The following PITHD1 variants were observed in gnomAD, a reference collection of about 807,000 sequenced individuals.
PITHD1 encodes PITH domain containing 1.
Under a neutral mutation model 27.5 loss-of-function variants are expected in PITHD1, and 8 were observed. That is an observed-to-expected ratio of 0.29 (90% confidence interval 0.17 to 0.52). PITHD1 has a LOEUF of 0.52. Ranked by LOEUF, PITHD1 falls within the 20% of genes least tolerant of loss-of-function variation. The pLI is 0.96. For synonymous variants in PITHD1, 118 were observed against 106.8 expected, an observed-to-expected ratio of 1.10 and a Z score of -0.64; for missense variants, 233 against 283.9, an observed-to-expected ratio of 0.82 and a Z score of 1.29.
intron 1 of PITHD1, chr1:23,779,215 T>C: frequency 1.9e-6 from 1 of 518,118 alleles, no homozygotes; most frequent in Non-Finnish European, 3.4e-6. Flanking sequence ...CCCTGGAAAT[T>C]CATTCATGGG....
At chr1:23,781,016 CGTCTCT>C (rs2148399665) in intron 3 of PITHD1, among the ~76,000 whole-genome samples, 1 of 151,824 alleles carries the variant, frequency 6.6e-6, no homozygotes, top group East Asian at 1.9e-4. Flanking sequence ...GCTGAAACCC[CGTCTCT>C]ACTAAAAATA....
chr1:23,778,491 A>G lies in PITHD1; in HGVS notation c.-25A>G. 7.5e-7 allele frequency: 1 copy of G among 1,337,520 alleles called. No homozygotes were observed. Among genetic ancestry groups the G allele is most frequent in the South Asian group, 1.9e-5 (1 of 52,394 alleles). 82.9% of individuals were successfully genotyped at this position (1,337,520 alleles called of 1,614,324 possible). A position where few individuals can be genotyped will look rare whatever the true frequency, so the allele number is the denominator to read the frequency against. ...GAGCGAGCGCGGCGGTGGGGCCGAG[A>G]GGACGCGCAGGTGGCGGCGTTGCCA... On this transcript the variant is annotated 5_prime_UTR_variant, in exon 1 of 6. Coordinates refer to ENST00000246151, the MANE Select transcript of PITHD1 (RefSeq NM_020362.5).
chr1:23,781,413 A>G (rs1401348648), intron 3 of PITHD1, among the ~76,000 whole-genome samples: 2 of 151,490 alleles, frequency 1.3e-5, no homozygotes, highest in Non-Finnish European at 2.9e-5. Context: ...CAGTGAGCCA[A>G]GATTGCACCA....
chr1:23,786,834 T>A (rs112266351), intron 5 of PITHD1, among the ~76,000 whole-genome samples: 1 of 152,124 alleles, frequency 6.6e-6, no homozygotes, highest in Non-Finnish European at 1.5e-5. Context: ...TCAGGTGATC[T>A]GCCCATCTCA....
intron 3 of PITHD1, among the ~76,000 whole-genome samples, chr1:23,784,430 C>T (rs528796025): frequency 1.5e-4 from 23 of 151,690 alleles, no homozygotes; most frequent in African/African-American, 4.3e-4. Flanking sequence ...TTAGTAGAGA[C>T]GGGGTTTCAC....
At chr1:23,781,219 T>G (rs1022049024) in intron 3 of PITHD1, among the ~76,000 whole-genome samples, 2 of 151,790 alleles carry the variant, frequency 1.3e-5, no homozygotes, top group Non-Finnish European at 2.9e-5. Context: ...TCCCAGCACT[T>G]TGGGAGGCCG....
rs572146657 is a variant in PITHD1, at chr1:23,787,567, A to G, written c.*191A>G. 1.6e-4 allele frequency: 69 copies of G among 441,360 alleles called. No homozygotes were observed. The South Asian group carries it at 2.3e-3, about 15-fold the overall frequency. 27.3% of individuals were successfully genotyped at this position (441,360 alleles called of 1,614,324 possible). ...CCACTGGGAGGGTTGTGTAGGTGCCAGGGGACCATCGTGGTTCTCTAGGGC... is the reference window on the plus strand; with the variant it reads ...CCACTGGGAGGGTTGTGTAGGTGCCGGGGGACCATCGTGGTTCTCTAGGGC... On this transcript the variant is annotated 3_prime_UTR_variant, in exon 6 of 6. Transcript: ENST00000246151.
At chr1:23,780,172 C>T (rs1320294572) in intron 3 of PITHD1, among the ~76,000 whole-genome samples, 1 of 152,180 alleles carries the variant, frequency 6.6e-6, no homozygotes, top group African/African-American at 2.4e-5. Context: ...TTTCAAAGTG[C>T]TTACTATGAC....
At chr1:23,785,103 G>A (rs1448788919) in intron 3 of PITHD1, 1 of 152,088 alleles carries the variant, frequency 6.6e-6, no homozygotes, top group African/African-American at 2.4e-5. Flanking sequence ...CCTAGTTTGA[G>A]CCGTCTCTTT....
intron 3 of PITHD1, among the ~76,000 whole-genome samples, chr1:23,782,715 C>T (rs1261456096): frequency 2.6e-5 from 4 of 151,874 alleles, no homozygotes; most frequent in African/African-American, 9.7e-5. Context: ...AATCCTCCCA[C>T]CGCAGCCTCC....
chr1:23,784,234 CTTTTTTTTTTTTT>C (rs774484769), intron 3 of PITHD1, among the ~76,000 whole-genome samples: 1 of 81,438 alleles, frequency 1.2e-5, no homozygotes, highest in East Asian at 4.0e-4. Context: ...CATTTGCTTT[CTTTTTTTTTTTTT>C]TTTTTTTTTT....
chr1:23,784,745 GTC>G (rs1275755062), intron 3 of PITHD1, among the ~76,000 whole-genome samples: 10 of 151,840 alleles, frequency 6.6e-5, no homozygotes, highest in Admixed American at 2.6e-4. Context: ...CTGAGACAGA[GTC>G]TCTCTGTCAC....
At chr1:23,779,806 A>G (rs1156742284) in intron 2 of PITHD1, 58 bp from the exon 3 acceptor site, 3 of 1,298,438 alleles carry the variant, frequency 2.3e-6, no homozygotes, top group Non-Finnish European at 3.4e-6. Context: ...CCAGGGTCAC[A>G]CAACTAAACA....
In PITHD1 at chr1:23,787,450, A is replaced by G; in HGVS notation, c.*74A>G. The G allele has an allele frequency of 1.2e-6, 1 of 862,992 alleles. No homozygotes were observed. Among genetic ancestry groups the G allele is most frequent in the Non-Finnish European group, 1.9e-6 (1 of 516,170 alleles). 53.5% of individuals were successfully genotyped at this position (862,992 alleles called of 1,614,324 possible). A position where few individuals can be genotyped will look rare whatever the true frequency, so the allele number is the denominator to read the frequency against. ...ACTACCTGTTGGGAAGGACAAAGGG[A>G]TGAGGCTCCAGAGAGAGTTGGCTGC... On this transcript the variant is annotated 3_prime_UTR_variant, in exon 6 of 6. Coordinates refer to ENST00000246151, the MANE Select transcript of PITHD1 (RefSeq NM_020362.5).
intron 3 of PITHD1, 119 bp downstream of exon 3, chr1:23,780,060 A>G: frequency 4.3e-6 from 3 of 692,930 alleles, no homozygotes; most frequent in Non-Finnish European, 7.6e-6. Flanking sequence ...CTTTTAAAAT[A>G]TCTTGGTCCT....
intron 1 of PITHD1, 41 bp from the exon 2 acceptor site, chr1:23,779,397 A>T: frequency 2.0e-6 from 3 of 1,534,312 alleles, no homozygotes; most frequent in Non-Finnish European, 2.7e-6. Context: ...CTCTCAGCAA[A>T]TATTTGTTGC....
rs1314088345 is a variant in PITHD1 at position 23,778,772 on chromosome 1, C to G, written c.198+59C>G. The G allele has an allele frequency of 1.0e-5, 10 of 1,004,928 alleles. No homozygotes were observed. The East Asian group carries it at 2.9e-4, about 29-fold the overall frequency. 62.3% of individuals were successfully genotyped at this position (1,004,928 alleles called of 1,614,324 possible). ...GGGTGCGTGTGGGGCCTCGGGCCGTCGGTCTACTCATTTCTGATGTTAAGA... is the reference window on the plus strand; with the variant it reads ...GGGTGCGTGTGGGGCCTCGGGCCGTGGGTCTACTCATTTCTGATGTTAAGA... On this transcript the variant is annotated intron_variant, in intron 1 of 5. Transcript: ENST00000246151.
chr1:23,780,127 A>C (rs947432472), intron 3 of PITHD1, among the ~76,000 whole-genome samples, 186 bp downstream of exon 3: 8 of 152,134 alleles, frequency 5.3e-5, no homozygotes, highest in Admixed American at 5.2e-4. Flanking sequence ...ACTTTTTTAG[A>C]TTAAGCATCT....
At position 23,786,452 on chromosome 1, in the gene PITHD1, T is replaced by A. The variant is rs373836503; in HGVS notation, c.534+29T>A. 8.9e-6 allele frequency: 10 copies of A among 1,124,748 alleles called. No individual in the cohort carries two copies. The African/African-American group carries it at 1.2e-4, about 14-fold the overall frequency. The allele number at this position is 1,124,748 out of a possible 1,614,324, so 69.7% of individuals were successfully genotyped here. On this transcript the variant is annotated intron_variant, in intron 5 of 5. Transcript: ENST00000246151. ...AGATGGGGTTGGAAAGGTTTTCCCCTCATGTCTACATATCTGCACACTGTG... is the reference window on the plus strand; with the variant it reads ...AGATGGGGTTGGAAAGGTTTTCCCCACATGTCTACATATCTGCACACTGTG...
Sources: gnomAD v4.1 joint callset for allele counts (sites outside exome capture counted in the v4.1 genomes callset) on GRCh38, gnomAD v4.1.1 for gene constraint, MANE v1.5 for transcripts, NCBI Gene and HGNC (gene_info 2026-07-23, HGNC 2026-07-21) for gene names.